The following DSTYK variants were observed in gnomAD, a reference collection of about 807,000 sequenced individuals.
The protein encoded by DSTYK is RIP-homologous kinase.
Under a neutral mutation model 98.7 loss-of-function variants are expected in DSTYK, and 34 were observed. The ratio of observed to expected loss-of-function variants is 0.34; its 90% CI spans 0.26 to 0.46. The LOEUF (loss-of-function observed/expected upper bound fraction) is 0.46. DSTYK is among the 20% of genes least tolerant of loss of function. The pLI is 1.00. For missense variants in DSTYK, 962 were observed against 1,181.7 expected (o/e 0.81, Z 2.73); for synonymous variants, 462 against 457.3 (o/e 1.01, Z -0.13).
chr1:205,195,002 T>G (rs143370202), intron 1 of DSTYK, among the ~76,000 whole-genome samples: 1,664 of 151,582 alleles, frequency 0.011, 24 homozygotes, highest in African/African-American at 0.039. Context: ...TTTTTTTTTT[T>G]TTTTTGTATA....
intron 2 of DSTYK, among the ~76,000 whole-genome samples, chr1:205,181,643 C>T (rs1658399116): frequency 7.0e-6 from 1 of 142,624 alleles, no homozygotes; most frequent in Non-Finnish European, 1.5e-5. Context: ...ATGTGAGCCA[C>T]AGATGTTGGG....
chr1:205,166,642 G>T (rs1049911132), intron 3 of DSTYK, among the ~76,000 whole-genome samples: 13 of 152,126 alleles, frequency 8.5e-5, no homozygotes, highest in African/African-American at 2.9e-4. Flanking sequence ...TATGATGCCG[G>T]CAGTGATGCT....
intron 11 of DSTYK, among the ~76,000 whole-genome samples, chr1:205,148,989 G>C (rs552043920): frequency 3.4e-5 from 5 of 147,504 alleles, no homozygotes; most frequent in East Asian, 2.0e-4. Context: ...CACAACTTCT[G>C]CCTGCTGGGT....
At chr1:205,171,670 C>T (rs1033111756) in intron 2 of DSTYK, among the ~76,000 whole-genome samples, 2 of 152,052 alleles carry the variant, frequency 1.3e-5, no homozygotes, top group African/African-American at 4.8e-5. Context: ...CCTGGCATTC[C>T]AGGTGTAAAC....
rs556108291 is a variant in DSTYK at position 205,183,159 on chromosome 1, G to T, written c.654+4259C>A. Among the ~76,000 whole-genome samples, 4 of 151,814 alleles carry T rather than the reference G, an allele frequency of 2.6e-5. No individual in the cohort carries two copies. In the South Asian group the frequency reaches 6.2e-4, roughly 24 times the overall value. On this transcript the variant is annotated intron_variant, in intron 2 of 12. Transcript: ENST00000367162. ...GACAACTGTTCCATCAGATTTGTAAGAAGAAAGAAAAAGAAAAGGAGGTGT... is the reference window on the plus strand; with the variant it reads ...GACAACTGTTCCATCAGATTTGTAATAAGAAAGAAAAAGAAAAGGAGGTGT...
rs1486137995 is a variant in DSTYK, at chr1:205,169,303, C to T, written c.1184G>A (p.Arg395Gln). The T allele has an allele frequency of 1.3e-5, 21 of 1,613,560 alleles. No individual in the cohort carries two copies. Among genetic ancestry groups the T allele is most frequent in the Admixed American group, 8.4e-5 (5 of 59,872 alleles). ...QITPKRLEYTRKKENELYESL... is the reference protein window; with the variant it reads ...QITPKRLEYTQKKENELYESL... ...TTCATACAACTCATTCTCCTTTTTT[C>T]GAGTATATTCCAGACGTTTGGGAGT... The change falls in exon 3 of 13, where the codon CGA becomes CAA. Residue 395 changes from arginine to glutamine, a missense_variant. Arg to Gln is a conservative substitution (Grantham distance 43). This residue lies in a region of DSTYK where 660 missense variants were observed against 855.0 expected (regional missense o/e 0.77). Coordinates refer to ENST00000367162, the MANE Select transcript of DSTYK (RefSeq NM_015375.3). The surrounding 1 kb of genome is among the most constrained non-coding windows in gnomAD (Gnocchi z 4.0).
intron 1 of DSTYK, among the ~76,000 whole-genome samples, chr1:205,206,310 C>T (rs1243604080): frequency 1.3e-5 from 2 of 150,212 alleles, no homozygotes; most frequent in Admixed American, 6.6e-5. Flanking sequence ...GACAGAGTCT[C>T]GCTCTGTCGC....
At chr1:205,198,133 C>T (rs564761441) in intron 1 of DSTYK, among the ~76,000 whole-genome samples, 25 of 151,864 alleles carry the variant, frequency 1.6e-4, no homozygotes, top group Non-Finnish European at 3.4e-4. Flanking sequence ...GTGGAGGCTG[C>T]GGTGAGCCAA....
At chr1:205,204,800 T>A (rs1659153357) in intron 1 of DSTYK, among the ~76,000 whole-genome samples, 1 of 152,214 alleles carries the variant, frequency 6.6e-6, no homozygotes, top group African/African-American at 2.4e-5. Context: ...CTACTTTCTA[T>A]CTCTATGAAT....
intron 1 of DSTYK, among the ~76,000 whole-genome samples, chr1:205,210,964 C>A (rs1659353930): frequency 6.6e-6 from 1 of 152,228 alleles, no homozygotes; most frequent in South Asian, 2.1e-4. Flanking sequence ...CTACCCTCTC[C>A]GAACGCCGGC....
chr1:205,159,430 C>G (rs2102396423), intron 9 of DSTYK, 117 bp downstream of exon 9: 1 of 1,264,536 alleles, frequency 7.9e-7, no homozygotes, highest in South Asian at 1.6e-5. Flanking sequence ...GAAATAAACC[C>G]TAATTACTCC....
At chr1:205,199,433 A>T (rs1658961728) in intron 1 of DSTYK, among the ~76,000 whole-genome samples, 1 of 152,220 alleles carries the variant, frequency 6.6e-6, no homozygotes, top group South Asian at 2.1e-4. Flanking sequence ...AACATTACGC[A>T]TAAGGGAACT....
intron 1 of DSTYK, among the ~76,000 whole-genome samples, chr1:205,196,508 C>T (rs995816181): frequency 1.3e-5 from 2 of 152,104 alleles, no homozygotes; most frequent in Admixed American, 1.3e-4. Flanking sequence ...GAGCTATGAT[C>T]ACACTACTGC....
At chr1:205,172,073 C>G (rs1489344893) in intron 2 of DSTYK, among the ~76,000 whole-genome samples, 2 of 152,136 alleles carry the variant, frequency 1.3e-5, no homozygotes, top group African/African-American at 4.8e-5. Context: ...TCTCCTGCCT[C>G]AGCCTCCCGA....
In DSTYK at chr1:205,211,308, G is replaced by T. The variant is rs1659368827; in HGVS notation, c.228C>A (p.Gly76=). 1 of 1,609,990 alleles carries T rather than the reference G, an allele frequency of 6.2e-7. No homozygotes were observed. Among genetic ancestry groups the T allele is most frequent in the Admixed American group, 1.7e-5 (1 of 59,720 alleles). Residue 76 remains glycine (G), a synonymous_variant, in exon 1 of 13, where the codon GGC becomes GGA. Transcript: ENST00000367162. ...SLTGGGGAER[G]PAGDVAETGL... is the part of the protein sequence containing the mutation. The stretch of plus-strand genomic sequence containing the variant: ...CGGTTTCGGCGACATCGCCTGCAGG[G>T]CCGCGCTCGGCCCCGCCGCCGCCCG...
At chr1:205,196,307 A>T (rs913499035) in intron 1 of DSTYK, among the ~76,000 whole-genome samples, 4 of 152,230 alleles carry the variant, frequency 2.6e-5, no homozygotes, top group Non-Finnish European at 5.9e-5. Flanking sequence ...CTGTAGTCCT[A>T]GCACTTTGGG....
intron 2 of DSTYK, among the ~76,000 whole-genome samples, chr1:205,181,007 T>C (rs1327047830): frequency 6.6e-6 from 1 of 152,258 alleles, no homozygotes; most frequent in Non-Finnish European, 1.5e-5. Context: ...GAAGAATTTA[T>C]AATTTAGCAT....
Position 205,169,113 on chromosome 1 carries a change from G to C in DSTYK, c.1324+50C>G. The C allele has an allele frequency of 2.1e-6, 3 of 1,458,406 alleles. No homozygotes were observed. In the South Asian group the frequency reaches 4.0e-5, roughly 20 times the overall value. The allele number at this position is 1,458,406 out of a possible 1,614,324, so 90.3% of individuals were successfully genotyped here. On this transcript the variant is annotated intron_variant, in intron 3 of 12. Coordinates refer to ENST00000367162, the MANE Select transcript of DSTYK (RefSeq NM_015375.3). This position sits in a 1 kb window ranked among gnomAD's most constrained non-coding sequence, Gnocchi z 4.0. ...GTTCTTAATTTCCGGCTAGAAAATG[G>C]TTAGAGACTCCTCCCGTGCCAGCAC...
chr1:205,182,972 A>C (rs949817162), intron 2 of DSTYK, among the ~76,000 whole-genome samples: 1 of 152,068 alleles, frequency 6.6e-6, no homozygotes, highest in South Asian at 2.1e-4. Context: ...ACAGTAAATG[A>C]AACGCCACCT....
Sources: gnomAD v4.1 joint callset for allele counts (sites outside exome capture counted in the v4.1 genomes callset) on GRCh38, gnomAD v4.1.1 for gene constraint, gnomAD v4.1.1 regional missense constraint, Gnocchi (gnomAD v3.1) non-coding constraint, MANE v1.5 for transcripts, NCBI Gene and HGNC (gene_info 2026-07-23, HGNC 2026-07-21) for gene names.